The following TAFA2 variants were observed in gnomAD, a reference collection of about 807,000 sequenced individuals.
TAFA2 encodes TAFA chemokine like family member 2, also known as chemokine-like protein TAFA-2.
TAFA2 carries 7 observed loss-of-function variants against 18.8 expected under a neutral mutation model. That is an observed-to-expected ratio of 0.37 (90% CI 0.21 to 0.70). The LOEUF (loss-of-function observed/expected upper bound fraction) is 0.70. TAFA2 is among the 30% of genes least tolerant of loss of function. The pLI is 0.53. For synonymous variants in TAFA2, 60 were observed against 54.2 expected, an observed-to-expected ratio of 1.11 and a Z score of -0.47; for missense variants, 122 against 158.1, an observed-to-expected ratio of 0.77 and a Z score of 1.23.
At position 61,858,349 on chromosome 12, in the gene TAFA2, C is replaced by T. The variant is rs1335535498; in HGVS notation, c.106+8971G>A. Among the ~76,000 whole-genome samples the T allele has an allele frequency of 2.6e-5, 4 of 152,108 alleles. No individual in the cohort carries two copies. The East Asian group carries it at 7.7e-4, about 29-fold the overall frequency. On this transcript the variant is annotated intron_variant, in intron 2 of 4. Coordinates refer to ENST00000416284, the MANE Select transcript of TAFA2 (RefSeq NM_178539.5). ...ATTTTCCTGACTGGATGTTGAATGA[C>T]ACACCTAACCATTTCATTCTTTTTG...
chr12:61,960,490 T>C (rs369367043), intron 1 of TAFA2, among the ~76,000 whole-genome samples: 9 of 152,182 alleles, frequency 5.9e-5, no homozygotes, highest in African/African-American at 1.9e-4. Flanking sequence ...TGACTCATTT[T>C]GTCTTCAAAA....
intron 1 of TAFA2, among the ~76,000 whole-genome samples, chr12:62,141,895 G>A (rs1327080649): frequency 6.6e-6 from 1 of 152,094 alleles, no homozygotes; most frequent in African/African-American, 2.4e-5. Flanking sequence ...TGATCATTTG[G>A]GAAAACCACA....
chr12:61,952,727 G>T (rs111425761), intron 1 of TAFA2, among the ~76,000 whole-genome samples: 1,781 of 152,028 alleles, frequency 0.012, 40 homozygotes, highest in African/African-American at 0.041. Flanking sequence ...CTTCAAAATT[G>T]CATAACTAAA....
intron 2 of TAFA2, among the ~76,000 whole-genome samples, chr12:61,803,566 C>T (rs1006110548): frequency 4.0e-5 from 6 of 151,796 alleles, no homozygotes; most frequent in East Asian, 1.9e-4. Flanking sequence ...GTCTAAATCC[C>T]CCTTTAGCAT....
chr12:61,965,279 G>A (rs1434482968), intron 1 of TAFA2, among the ~76,000 whole-genome samples: 2 of 151,832 alleles, frequency 1.3e-5, no homozygotes, highest in Non-Finnish European at 2.9e-5. Flanking sequence ...ACAGCTAAAA[G>A]CATCATCTAT....
intron 1 of TAFA2, among the ~76,000 whole-genome samples, chr12:62,236,158 A>G (rs1453792196): frequency 1.3e-5 from 2 of 152,176 alleles, no homozygotes; most frequent in African/African-American, 4.8e-5. Flanking sequence ...AGTCCATACT[A>G]GAGATATGAA....
chr12:61,765,237 C>A (rs548647429), intron 2 of TAFA2, among the ~76,000 whole-genome samples: 1 of 151,992 alleles, frequency 6.6e-6, no homozygotes, highest in Non-Finnish European at 1.5e-5. Flanking sequence ...GATGTTAGTG[C>A]CAAGAGTGAC....
intron 1 of TAFA2, among the ~76,000 whole-genome samples, chr12:62,188,449 T>A (rs752637469): frequency 2.0e-5 from 3 of 152,212 alleles, no homozygotes; most frequent in Non-Finnish European, 4.4e-5. Context: ...GGAACATTCC[T>A]TGTTTGGGAC....
chr12:62,186,286 C>A (rs1351162364), intron 1 of TAFA2, among the ~76,000 whole-genome samples: 3 of 152,098 alleles, frequency 2.0e-5, no homozygotes, highest in Non-Finnish European at 4.4e-5. Context: ...CACATGCATG[C>A]AATTATGCAG....
intron 2 of TAFA2, among the ~76,000 whole-genome samples, chr12:61,825,302 T>C (rs1224087384): frequency 3.3e-5 from 5 of 152,066 alleles, no homozygotes; most frequent in Non-Finnish European, 7.4e-5. Context: ...ACTGATTGTG[T>C]GAGACAGTTG....
chr12:62,208,479 A>T (rs11174372), intron 1 of TAFA2, among the ~76,000 whole-genome samples: 1,932 of 28,602 alleles, frequency 0.068, 42 homozygotes, highest in African/African-American at 0.14. Context: ...ACTTCTAGTT[A>T]AAAAAAAAAG....
At position 62,234,599 on chromosome 12, in the gene TAFA2, G is replaced by A. The variant is rs116420731; in HGVS notation, c.-130+24164C>T. ...AAGAAAGACCATAAACACCTTTCCC[G>A]TTGCACAAATAGGGCCTCTCACCCA... On this transcript the variant is annotated intron_variant, in intron 1 of 5. Transcript: ENST00000551619. The A allele has an allele frequency of 2.3e-3, 1,870 of 823,300 alleles. 20 individuals carry two copies. In the African/African-American group the frequency reaches 0.026, roughly 11 times the overall value. The allele number at this position is 823,300 out of a possible 1,614,324, so 51.0% of individuals were successfully genotyped here. A position where few individuals can be genotyped will look rare whatever the true frequency, so the allele number is the denominator to read the frequency against.
intron 1 of TAFA2, among the ~76,000 whole-genome samples, chr12:62,094,750 A>T (rs916440614): frequency 1.0e-5 from 1 of 98,290 alleles, no homozygotes; most frequent in Admixed American, 1.3e-4. Flanking sequence ...TTTTACACAT[A>T]AAAAAAATGA....
At chr12:61,781,454 T>A (rs1218419998) in intron 2 of TAFA2, among the ~76,000 whole-genome samples, 1 of 151,804 alleles carries the variant, frequency 6.6e-6, no homozygotes, top group African/African-American at 2.4e-5. Flanking sequence ...TTAAACATAT[T>A]TTACTTCTTG....
chr12:61,812,357 C>T (rs1481439460), intron 2 of TAFA2, among the ~76,000 whole-genome samples: 2 of 151,428 alleles, frequency 1.3e-5, no homozygotes, highest in South Asian at 4.1e-4. Flanking sequence ...TTGTATCTGG[C>T]CCATGCCATT....
chr12:61,782,127 A>G (rs1015112969), intron 2 of TAFA2, among the ~76,000 whole-genome samples: 1 of 151,622 alleles, frequency 6.6e-6, no homozygotes, highest in Admixed American at 6.6e-5. Context: ...ACGAAATTCT[A>G]ATGTCCCTCA....
At chr12:62,139,849 T>A (rs973974919) in intron 1 of TAFA2, 5 of 152,110 alleles carry the variant, frequency 3.3e-5, no homozygotes, top group African/African-American at 1.2e-4. Flanking sequence ...TCGCCCAAGG[T>A]CACACAGTGA....
upstream of TAFA2, among the ~76,000 whole-genome samples, chr12:62,195,694 A>C (rs1397014440): frequency 6.6e-6 from 1 of 152,216 alleles, no homozygotes; most frequent in Non-Finnish European, 1.5e-5. Flanking sequence ...TAAAATATTT[A>C]ATAAAATATG....
upstream of TAFA2, among the ~76,000 whole-genome samples, chr12:62,193,395 C>T (rs957751383): frequency 6.6e-6 from 1 of 152,144 alleles, no homozygotes; most frequent in Admixed American, 6.5e-5. Context: ...AAATTCCTTC[C>T]AGCTCTAAAG....
Sources: gnomAD v4.1 joint callset for allele counts (sites outside exome capture counted in the v4.1 genomes callset) on GRCh38, gnomAD v4.1.1 for gene constraint, MANE v1.5 for transcripts, NCBI Gene and HGNC (gene_info 2026-07-23, HGNC 2026-07-21) for gene names.